Variants in ASIC2 observed in about 807,000 individuals in gnomAD.
ASIC2 encodes the protein acid-sensing ion channel 2.
In ASIC2, 25 loss-of-function variants were observed where a neutral mutation model predicts 57.3. That is an observed-to-expected ratio of 0.44 (90% CI 0.32 to 0.61). The LOEUF is 0.61. Ranked by LOEUF, ASIC2 falls within the 20% of genes least tolerant of loss-of-function variation. The probability of loss-of-function intolerance (pLI) is 0.06; values close to 1 mark genes in which losing one functional copy is unlikely to be tolerated. For missense variants in ASIC2, 641 were observed against 738.1 expected (o/e 0.87, Z 1.52); for synonymous variants, 319 against 307.5 (o/e 1.04, Z -0.39).
At chr17:33,535,439 A>T (rs1411709387) in intron 1 of ASIC2, among the ~76,000 whole-genome samples, 1 of 151,734 alleles carries the variant, frequency 6.6e-6, no homozygotes, top group Non-Finnish European at 1.5e-5. Context: ...TGCCCGGCTA[A>T]GGTTTTTTTT....
chr17:33,134,665 C>T (rs534160448), intron 1 of ASIC2, among the ~76,000 whole-genome samples: 32 of 152,310 alleles, frequency 2.1e-4, no homozygotes, highest in African/African-American at 7.0e-4. Context: ...AGCATTGAAA[C>T]GCAGCACTGG....
chr17:34,038,407 T>C, intron 1 of ASIC2: 5 of 1,612,096 alleles, frequency 3.1e-6, no homozygotes, highest in Non-Finnish European at 4.2e-6. Flanking sequence ...ATTCCCTACA[T>C]GCATGCTTGT....
intron 1 of ASIC2, among the ~76,000 whole-genome samples, chr17:34,088,419 T>A (rs1472114798): frequency 6.6e-6 from 1 of 152,086 alleles, no homozygotes; most frequent in Non-Finnish European, 1.5e-5. Flanking sequence ...CTCAGAGGAG[T>A]ACCCGGCCGT....
chr17:33,939,681 T>C (rs1021421535), intron 1 of ASIC2, among the ~76,000 whole-genome samples: 2 of 152,152 alleles, frequency 1.3e-5, no homozygotes, highest in Non-Finnish European at 2.9e-5. Flanking sequence ...AGGGCTGGGA[T>C]GAAGTACCAC....
At chr17:33,510,533 T>C (rs1202236771) in intron 1 of ASIC2, among the ~76,000 whole-genome samples, 2 of 151,900 alleles carry the variant, frequency 1.3e-5, no homozygotes, top group African/African-American at 2.4e-5. Context: ...ACCCAACTAA[T>C]GGGTGGGAGG....
intron 1 of ASIC2, among the ~76,000 whole-genome samples, chr17:33,806,612 C>G (rs1912274833): frequency 6.6e-6 from 1 of 152,216 alleles, no homozygotes; most frequent in Non-Finnish European, 1.5e-5. Context: ...AATTCCTAAA[C>G]CAGGTGTCAA....
At position 33,237,655 on chromosome 17, in the gene ASIC2, A is replaced by G. The variant is rs115793487; in HGVS notation, c.708+53753T>C. 5.8e-3 allele frequency among the ~76,000 whole-genome samples: 881 copies of G among 152,296 alleles called. 11 individuals carry two copies. Among genetic ancestry groups the G allele is most frequent in the African/African-American group, 0.019 (791 of 41,558 alleles). On this transcript the variant is annotated intron_variant, in intron 1 of 9. Transcript: ENST00000225823. ...CCTTAGTAGATGTTTGACTCTGGGC[A>G]AGTTCTTTGCTTTGAGCTTCAGTTT...
intron 3 of ASIC2, among the ~76,000 whole-genome samples, chr17:33,065,006 C>T (rs114067379): frequency 0.013 from 1,938 of 152,102 alleles, 37 homozygotes; most frequent in African/African-American, 0.044. Context: ...AGCCCAGTCA[C>T]GTAGAAGGTT....
chr17:33,689,516 T>C (rs562879322), intron 1 of ASIC2, among the ~76,000 whole-genome samples: 1 of 152,314 alleles, frequency 6.6e-6, no homozygotes, highest in South Asian at 2.1e-4. Context: ...TATCCTTCAG[T>C]CATTCAATCT....
At chr17:34,119,929 CAGCCA>C (rs1911552499) in intron 1 of ASIC2, 1 of 152,192 alleles carries the variant, frequency 6.6e-6, no homozygotes. Context: ...CTTGGTTAAC[CAGCCA>C]GAACCCCTCA....
At chr17:33,955,745 A>T (rs1904715493) in intron 1 of ASIC2, among the ~76,000 whole-genome samples, 1 of 152,072 alleles carries the variant, frequency 6.6e-6, no homozygotes. Context: ...GCTCCAGCCC[A>T]ACAGGGCCCC....
intron 1 of ASIC2, among the ~76,000 whole-genome samples, chr17:33,807,324 G>A (rs938793184): frequency 6.6e-6 from 1 of 152,180 alleles, no homozygotes; most frequent in Non-Finnish European, 1.5e-5. Context: ...TCTGGTCACT[G>A]AATCTCTCAT....
chr17:34,028,909 G>A (rs1201832305), intron 1 of ASIC2, among the ~76,000 whole-genome samples: 2 of 152,172 alleles, frequency 1.3e-5, no homozygotes, highest in African/African-American at 4.8e-5. Flanking sequence ...TCTCATGGCT[G>A]TTCCTTGAAC....
intron 1 of ASIC2, among the ~76,000 whole-genome samples, chr17:33,503,602 A>G (rs942635085): frequency 6.6e-6 from 1 of 152,142 alleles, no homozygotes; most frequent in Admixed American, 6.5e-5. Flanking sequence ...CAGAGGCTCT[A>G]CATCTTACCT....
chr17:33,365,107 A>G (rs894278969), intron 1 of ASIC2, among the ~76,000 whole-genome samples: 2 of 152,158 alleles, frequency 1.3e-5, no homozygotes, highest in African/African-American at 4.8e-5. Context: ...TGTGACCACA[A>G]TGTTTCCTAA....
intron 1 of ASIC2, among the ~76,000 whole-genome samples, chr17:33,538,286 C>A (rs1384137857): frequency 6.6e-6 from 1 of 152,090 alleles, no homozygotes; most frequent in Admixed American, 6.5e-5. Context: ...ATCGCATACC[C>A]CTGTAGGCAG....
chr17:33,758,003 C>A (rs539072398), intron 1 of ASIC2, among the ~76,000 whole-genome samples: 104 of 152,314 alleles, frequency 6.8e-4, no homozygotes, highest in African/African-American at 2.5e-3. Flanking sequence ...AGCTTGAGAA[C>A]AATTGATTTC....
At chr17:33,071,241 A>G (rs1237555888) in intron 3 of ASIC2, among the ~76,000 whole-genome samples, 1 of 152,158 alleles carries the variant, frequency 6.6e-6, no homozygotes, top group Non-Finnish European at 1.5e-5. Flanking sequence ...AAATACCAGT[A>G]TGTTAGGCCA....
chr17:33,267,098 G>C (rs1909493128), intron 1 of ASIC2, among the ~76,000 whole-genome samples: 1 of 152,126 alleles, frequency 6.6e-6, no homozygotes, highest in Non-Finnish European at 1.5e-5. Flanking sequence ...TTTGGTTAAG[G>C]ATGGGGCAGG....
Sources: gnomAD v4.1 joint callset for allele counts (sites outside exome capture counted in the v4.1 genomes callset) on GRCh38, gnomAD v4.1.1 for gene constraint, MANE v1.5 for transcripts, NCBI Gene and HGNC (gene_info 2026-07-23, HGNC 2026-07-21) for gene names.